FRMD5: variants seen among roughly 807,000 people sequenced by gnomAD.
FRMD5 encodes the protein FERM domain-containing protein 5.
A neutral mutation model predicts 69.0 loss-of-function variants in FRMD5; 20 were observed. The ratio of observed to expected loss-of-function variants is 0.29; its 90% CI spans 0.20 to 0.42. The LOEUF (loss-of-function observed/expected upper bound fraction) is 0.42. Among genes scored for constraint, FRMD5 ranks in the 10% least tolerant of loss-of-function variants. The pLI is 1.00. For missense variants in FRMD5, 595 were observed against 708.6 expected (o/e 0.84, Z 1.82); for synonymous variants, 271 against 260.1 (o/e 1.04, Z -0.40).
chr15:43,883,213 C>A (rs1453551063), intron 13 of FRMD5, among the ~76,000 whole-genome samples: 1 of 152,002 alleles, frequency 6.6e-6, no homozygotes, highest in Non-Finnish European at 1.5e-5. Context: ...GAGTCTCCTA[C>A]CTCAGCCCCC....
intron 3 of FRMD5, 81 bp from the exon 4 acceptor site, chr15:43,919,618 A>G: frequency 6.8e-7 from 1 of 1,473,568 alleles, no homozygotes; most frequent in South Asian, 1.1e-5. Context: ...AGCATGAAGC[A>G]GCAGAAGAGA....
intron 1 of FRMD5, among the ~76,000 whole-genome samples, chr15:44,168,727 GC>G (rs1566982045): frequency 1.3e-5 from 2 of 152,108 alleles, no homozygotes; most frequent in Non-Finnish European, 2.9e-5. Flanking sequence ...CAAATAATTT[GC>G]CAATATCCCC....
chr15:44,000,563 G>A (rs549706552), intron 1 of FRMD5, among the ~76,000 whole-genome samples: 1 of 151,436 alleles, frequency 6.6e-6, no homozygotes, highest in South Asian at 2.1e-4. Context: ...GGGTTCAAGC[G>A]ATTCTCATGC....
chr15:44,018,916 G>C (rs1297042054), intron 1 of FRMD5, among the ~76,000 whole-genome samples: 2 of 151,074 alleles, frequency 1.3e-5, no homozygotes, highest in Non-Finnish European at 2.9e-5. Flanking sequence ...TTTTTTTTTA[G>C]ATAGAGTCTC....
intron 13 of FRMD5, chr15:43,879,510 T>C: frequency 5.0e-6 from 2 of 399,088 alleles, no homozygotes; most frequent in East Asian, 7.1e-5. Context: ...TTGGAAATGC[T>C]CCAGCTGATT....
chr15:44,064,563 T>G (rs1415032010), intron 1 of FRMD5, among the ~76,000 whole-genome samples: 3 of 152,180 alleles, frequency 2.0e-5, no homozygotes, highest in Admixed American at 6.5e-5. Context: ...CACTCCATCT[T>G]GGGCGACAAG....
chr15:43,895,820 G>A (rs2088899175), intron 7 of FRMD5, among the ~76,000 whole-genome samples: 1 of 152,192 alleles, frequency 6.6e-6, no homozygotes, highest in African/African-American at 2.4e-5. Context: ...TCTCACATCT[G>A]TACTGGCATG....
chr15:44,174,386 T>A (rs532391899), intron 1 of FRMD5, among the ~76,000 whole-genome samples: 2 of 152,286 alleles, frequency 1.3e-5, no homozygotes, highest in South Asian at 4.1e-4. Flanking sequence ...GATAACAAAA[T>A]ACAATGTCTG....
intron 1 of FRMD5, among the ~76,000 whole-genome samples, chr15:44,032,147 C>T (rs1186195518): frequency 1.3e-5 from 2 of 152,152 alleles, no homozygotes; most frequent in Non-Finnish European, 2.9e-5. Flanking sequence ...ACTGTCTATC[C>T]ATATGCAGAA....
chr15:44,135,053 A>G (rs1184117118), intron 1 of FRMD5, among the ~76,000 whole-genome samples: 1 of 152,198 alleles, frequency 6.6e-6, no homozygotes, highest in African/African-American at 2.4e-5. Context: ...ATGAAAGGAG[A>G]CGGACCTGCT....
At chr15:43,939,063 G>T (rs1476177598) in intron 1 of FRMD5, among the ~76,000 whole-genome samples, 3 of 151,552 alleles carry the variant, frequency 2.0e-5, no homozygotes, top group African/African-American at 7.3e-5. Context: ...TAGAGATGGA[G>T]TTTCCCCATG....
At chr15:44,028,170 G>A (rs1891522694) in intron 1 of FRMD5, among the ~76,000 whole-genome samples, 1 of 152,130 alleles carries the variant, frequency 6.6e-6, no homozygotes. Context: ...TAAGCGAAAA[G>A]TCATCTTAAA....
chr15:44,171,542 G>A (rs573389662), intron 1 of FRMD5, among the ~76,000 whole-genome samples: 8 of 152,200 alleles, frequency 5.3e-5, no homozygotes, highest in African/African-American at 1.9e-4. Context: ...AGTATCTTTA[G>A]AAATTATTTT....
At chr15:43,972,437 A>C (rs1219214905) in intron 1 of FRMD5, among the ~76,000 whole-genome samples, 3 of 152,190 alleles carry the variant, frequency 2.0e-5, no homozygotes, top group African/African-American at 7.2e-5. Flanking sequence ...ATGGACAATA[A>C]GATGTGGCAG....
chr15:43,943,420 A>T (rs2089894667), intron 1 of FRMD5, among the ~76,000 whole-genome samples: 1 of 152,204 alleles, frequency 6.6e-6, no homozygotes, highest in African/African-American at 2.4e-5. Flanking sequence ...GTAGGCCCAG[A>T]ACTGTAAGAC....
intron 1 of FRMD5, among the ~76,000 whole-genome samples, chr15:44,027,819 T>C (rs1365447885): frequency 6.6e-6 from 1 of 152,040 alleles, no homozygotes; most frequent in African/African-American, 2.4e-5. Flanking sequence ...TAATTTTTCA[T>C]ATTTTTAGTA....
chr15:43,974,611 T>C (rs898879443), intron 1 of FRMD5, among the ~76,000 whole-genome samples: 3 of 152,192 alleles, frequency 2.0e-5, no homozygotes, highest in African/African-American at 2.4e-5. Context: ...ATTTTGGTGA[T>C]TCTGGTTCCT....
chr15:44,085,811 C>G (rs1260348098), intron 1 of FRMD5, among the ~76,000 whole-genome samples: 1 of 152,126 alleles, frequency 6.6e-6, no homozygotes, highest in Admixed American at 6.6e-5. Context: ...ATTATGCAAT[C>G]AGAAGGCTAA....
chr15:44,032,149 T>C (rs370192401), intron 1 of FRMD5, among the ~76,000 whole-genome samples: 5 of 152,180 alleles, frequency 3.3e-5, no homozygotes, highest in Admixed American at 2.0e-4. Flanking sequence ...TGTCTATCCA[T>C]ATGCAGAAGA....
Sources: gnomAD v4.1 joint callset for allele counts (sites outside exome capture counted in the v4.1 genomes callset) on GRCh38, gnomAD v4.1.1 for gene constraint, MANE v1.5 for transcripts, NCBI Gene and HGNC (gene_info 2026-07-23, HGNC 2026-07-21) for gene names.